The following FGF14 variants were observed in gnomAD, a reference collection of about 807,000 sequenced individuals.
The protein encoded by FGF14 is fibroblast growth factor homologous factor 4.
In FGF14, 5 loss-of-function variants were observed where a neutral mutation model predicts 25.5. That is an observed-to-expected ratio of 0.20 (90% CI 0.10 to 0.41). The LOEUF is 0.41. Ranked by LOEUF, FGF14 falls within the 10% of genes least tolerant of loss-of-function variation. FGF14 has a pLI of 1.00. For missense variants in FGF14, 222 were observed against 320.1 expected (o/e 0.69, Z 2.34); for synonymous variants, 138 against 118.3 (o/e 1.17, Z -1.08).
chr13:101,897,060 T>G (rs559037444), intron 1 of FGF14, among the ~76,000 whole-genome samples: 7 of 152,194 alleles, frequency 4.6e-5, no homozygotes, highest in Non-Finnish European at 1.0e-4. Context: ...ATATCATTAT[T>G]CCTGGAAATG....
chr13:101,790,250 A>G (rs1394397193), intron 3 of FGF14, among the ~76,000 whole-genome samples: 1 of 151,970 alleles, frequency 6.6e-6, no homozygotes, highest in African/African-American at 2.4e-5. Context: ...ATTAGTAATC[A>G]AGGCATTCCA....
rs377512203 is a variant in FGF14, at chr13:102,317,009, T to C, written c.208+84462A>G. ...TGGCTTTTTTAGGCCATTTTCCATCTTTTTTTGGGCCATTTTCCATTCATT... is the reference window on the plus strand; with the variant it reads ...TGGCTTTTTTAGGCCATTTTCCATCCTTTTTTGGGCCATTTTCCATTCATT... On this transcript the variant is annotated intron_variant, in intron 1 of 4. Transcript: ENST00000376131. Among the ~76,000 whole-genome samples, 252 of 152,222 alleles carry C rather than the reference T, an allele frequency of 1.7e-3. 2 individuals are homozygous for C. Among genetic ancestry groups the C allele is most frequent in the African/African-American group, 5.6e-3 (232 of 41,536 alleles).
intron 1 of FGF14, among the ~76,000 whole-genome samples, chr13:102,152,861 C>T (rs1261453416): frequency 1.3e-5 from 2 of 152,178 alleles, no homozygotes; most frequent in Non-Finnish European, 2.9e-5. Context: ...TTCTGCTGAA[C>T]ATTTAATTTT....
upstream of FGF14, among the ~76,000 whole-genome samples, chr13:101,919,684 G>A (rs1798359989): frequency 1.3e-5 from 2 of 152,036 alleles, no homozygotes; most frequent in African/African-American, 4.8e-5. Context: ...TTCGCTGATG[G>A]AGAAAAGCGC....
At chr13:102,127,135 T>C (rs940265716) in intron 1 of FGF14, among the ~76,000 whole-genome samples, 14 of 152,126 alleles carry the variant, frequency 9.2e-5, no homozygotes, top group Non-Finnish European at 2.9e-5. Flanking sequence ...AAAGATAATA[T>C]TGTGATCATT....
chr13:102,095,291 T>G (rs1394904236), intron 1 of FGF14, among the ~76,000 whole-genome samples: 1 of 152,068 alleles, frequency 6.6e-6, no homozygotes, highest in Admixed American at 6.6e-5. Flanking sequence ...AGTAGAGAAA[T>G]TAACAGAAGA....
chr13:102,322,766 C>T (rs555326101), intron 1 of FGF14, among the ~76,000 whole-genome samples: 1 of 152,084 alleles, frequency 6.6e-6, no homozygotes, highest in African/African-American at 2.4e-5. Flanking sequence ...TAAATTATTC[C>T]TAAAACATGC....
chr13:101,799,756 A>G (rs1184838871), intron 3 of FGF14, among the ~76,000 whole-genome samples: 1 of 152,078 alleles, frequency 6.6e-6, no homozygotes, highest in African/African-American at 2.4e-5. Context: ...AAGCAAAAAG[A>G]TCAATGGAAG....
At chr13:102,316,587 T>C (rs2056034349) in intron 1 of FGF14, among the ~76,000 whole-genome samples, 1 of 152,108 alleles carries the variant, frequency 6.6e-6, no homozygotes, top group African/African-American at 2.4e-5. Flanking sequence ...TTAAACAAAA[T>C]ACATTTACAA....
chr13:102,218,977 C>T (rs1165565622), intron 1 of FGF14, among the ~76,000 whole-genome samples: 1 of 152,056 alleles, frequency 6.6e-6, no homozygotes, highest in Non-Finnish European at 1.5e-5. Flanking sequence ...TTATGCAGTA[C>T]ATGATGTATT....
Position 102,044,793 on chromosome 13 carries a change from A to G in FGF14, c.209-169497T>C, listed in dbSNP as rs541520508. On this transcript the variant is annotated intron_variant, in intron 1 of 4. Coordinates refer to the FGF14 transcript ENST00000376131. ...ATCGTCAGTCCCCCACAACTTTCCA[A>G]CATCAAAATTTCAAGCATTTTATTT... Among the ~76,000 whole-genome samples the G allele has an allele frequency of 3.3e-5, 5 of 152,228 alleles. No individual in the cohort carries two copies. The South Asian group carries it at 1.0e-3, about 32-fold the overall frequency.
chr13:101,908,843 C>T (rs28607062), intron 1 of FGF14, among the ~76,000 whole-genome samples: 86 of 152,328 alleles, frequency 5.6e-4, no homozygotes, highest in Middle Eastern at 3.4e-3. Flanking sequence ...TCAAACTATA[C>T]TACAAGGCTA....
At chr13:102,109,372 C>T (rs11618035) in intron 1 of FGF14, among the ~76,000 whole-genome samples, 59,084 of 151,798 alleles carry the variant, frequency 0.39, 13,639 homozygotes, top group Non-Finnish European at 0.52. Context: ...GTAATAACAA[C>T]GTTTTGTATA....
chr13:102,056,501 T>C (rs2042434438), intron 1 of FGF14, among the ~76,000 whole-genome samples: 1 of 152,166 alleles, frequency 6.6e-6, no homozygotes, highest in Non-Finnish European at 1.5e-5. Context: ...ATGCAGTAGA[T>C]ACTTACATAA....
chr13:102,034,693 A>C (rs1346052458), intron 1 of FGF14, among the ~76,000 whole-genome samples: 1 of 152,154 alleles, frequency 6.6e-6, no homozygotes, highest in Non-Finnish European at 1.5e-5. Context: ...ACAATCTTAC[A>C]TCTGAACCAC....
At chr13:101,921,375 A>G (rs1360062223), upstream of FGF14, among the ~76,000 whole-genome samples, 1 of 152,216 alleles carries the variant, frequency 6.6e-6, no homozygotes, top group Non-Finnish European at 1.5e-5. Flanking sequence ...TAAAATGGCC[A>G]TGAACGAACT....
rs114761774 is a variant in FGF14, at chr13:101,930,421, T to C, written c.209-55125A>G. Among the ~76,000 whole-genome samples the C allele has an allele frequency of 7.4e-3, 1,121 of 152,320 alleles. 13 individuals carry two copies. Among genetic ancestry groups the C allele is most frequent in the African/African-American group, 0.025 (1,052 of 41,562 alleles). ...ATACTTCATTGTATTTATAGCACACTCATGTCCCCATATCCTAGTGTTAAT... is the reference window on the plus strand; with the variant it reads ...ATACTTCATTGTATTTATAGCACACCCATGTCCCCATATCCTAGTGTTAAT... On this transcript the variant is annotated intron_variant, in intron 1 of 4. Coordinates refer to the FGF14 transcript ENST00000376131.
At chr13:102,349,062 G>A (rs2057197021) in intron 1 of FGF14, among the ~76,000 whole-genome samples, 1 of 152,080 alleles carries the variant, frequency 6.6e-6, no homozygotes, top group Non-Finnish European at 1.5e-5. Flanking sequence ...TGTGAGAGTG[G>A]GGTAATGATA....
At chr13:101,792,650 T>A (rs900569905) in intron 3 of FGF14, among the ~76,000 whole-genome samples, 2 of 152,164 alleles carry the variant, frequency 1.3e-5, no homozygotes, top group Non-Finnish European at 2.9e-5. Context: ...ATAAAACAAA[T>A]CTTGTGCACA....
Sources: allele counts gnomAD v4.1 joint callset (sites outside exome capture counted in the v4.1 genomes callset), GRCh38; gene constraint gnomAD v4.1.1; transcripts MANE v1.5; gene names NCBI Gene and HGNC (gene_info 2026-07-23, HGNC 2026-07-21).